The following UNC13D variants were observed in gnomAD, a reference collection of about 807,000 sequenced individuals.
UNC13D encodes protein unc-13 homolog D.
In UNC13D, 115 loss-of-function variants were observed where a neutral mutation model predicts 151.7. The ratio of observed to expected loss-of-function variants is 0.76; its 90% confidence interval spans 0.65 to 0.88. The LOEUF is 0.88. Among genes scored for constraint, UNC13D ranks in the 40% least tolerant of loss-of-function variants. The pLI, the probability that UNC13D is intolerant of heterozygous loss-of-function variation, is 0.00. For synonymous variants in UNC13D, 588 were observed against 612.2 expected (o/e 0.96, Z 0.58); for missense variants, 1,369 against 1,438.7 (o/e 0.95, Z 0.78).
Position 75,833,080 on chromosome 17 carries a change from G to T in UNC13D, c.2368-35C>A, listed in dbSNP as rs773119045. 5 of 1,565,926 alleles carry T rather than the reference G, an allele frequency of 3.2e-6. No individual in the cohort carries two copies. The Admixed American group carries it at 9.4e-5, about 29-fold the overall frequency. On this transcript the variant is annotated intron_variant, in intron 24 of 31. Coordinates refer to ENST00000207549, the MANE Select transcript of UNC13D (RefSeq NM_199242.3). This position sits in a 1 kb window ranked among gnomAD's most constrained non-coding sequence, Gnocchi z 4.0. ...GAGATGGGGAGCAGGTGTGGCTCCG[G>T]CCCATGTTGGCCCCACCCCCATCCC...
chr17:75,843,137 G>A, intron 3 of UNC13D, 22 bp downstream of exon 3: 3 of 1,609,674 alleles, frequency 1.9e-6, no homozygotes, highest in African/African-American at 2.7e-5. Flanking sequence ...AGGAAGGGGG[G>A]TGGGGTGGGA....
rs769865092 is a variant in UNC13D, at chr17:75,840,171, C to T, written c.858+54G>A. ...CACTGGGTGCAGCCAGCCCCGCAAC[C>T]CAGCAGACCGCCGCAAGAGCTGGGC... On this transcript the variant is annotated intron_variant, in intron 10 of 31. Transcript: ENST00000207549. The surrounding 1 kb of genome is among the most constrained non-coding windows in gnomAD (Gnocchi z 4.6). 2.4e-4 allele frequency: 387 copies of T among 1,612,278 alleles called. No individual in the cohort carries two copies. The highest frequency in any genetic ancestry group is 3.8e-4 in the Admixed American group (23 of 59,928).
chr17:75,830,498 G>A lies in UNC13D; in HGVS notation c.2710-16C>T. 1 of 1,591,134 alleles carries A rather than the reference G, an allele frequency of 6.3e-7. No homozygotes were observed. The highest frequency in any genetic ancestry group is 8.6e-7 in the Non-Finnish European group (1 of 1,169,104). The stretch of plus-strand genomic sequence containing the variant: ...TGGTTTCTGCCTGGGGTGGGGAGCA[G>A]GGGCAGGGTCAGCAGGGTCACAGCG... On this transcript the variant is annotated splice_polypyrimidine_tract_variant and intron_variant, in intron 28 of 31. Coordinates refer to ENST00000207549, the MANE Select transcript of UNC13D (RefSeq NM_199242.3).
At chr17:75,830,543 C>A in intron 28 of UNC13D, 35 bp downstream of exon 28, 1 of 1,573,146 alleles carries the variant, frequency 6.4e-7, no homozygotes, top group Non-Finnish European at 8.6e-7. Flanking sequence ...TGCTCCAGGG[C>A]CTGCAGAGGG....
At chr17:75,843,937 G>C (rs1356448103) in intron 1 of UNC13D, 1 of 1,387,244 alleles carries the variant, frequency 7.2e-7, no homozygotes, top group African/African-American at 1.5e-5. Context: ...AATGGAGTCG[G>C]CTCTTCTGAA....
chr17:75,837,850 T>C (rs1330377212), intron 12 of UNC13D, among the ~76,000 whole-genome samples: 2 of 151,604 alleles, frequency 1.3e-5, no homozygotes, highest in African/African-American at 2.4e-5. Context: ...TTTCAGATGG[T>C]TTGGGGGGAT....
intron 27 of UNC13D, among the ~76,000 whole-genome samples, 197 bp downstream of exon 27, chr17:75,830,901 T>C (rs2064867699): frequency 1.3e-5 from 2 of 152,104 alleles, no homozygotes; most frequent in South Asian, 4.2e-4. Context: ...ACAGGGCCCC[T>C]GTGCTTAGGA....
chr17:75,842,456 G>A lies in UNC13D; in HGVS notation c.546C>T (p.Pro182=), dbSNP rs377079629. The A allele has an allele frequency of 1.5e-5, 25 of 1,613,022 alleles. No homozygotes were observed. The highest frequency in any genetic ancestry group is 1.7e-4 in the Middle Eastern group (1 of 6,060). ...RTQVITQTLN[P]VWDETFILEF... ...ACAGGATGAAGGTCTCGTCCCAGAC[G>A]GGGTTGAGTGTCTGGGTGATGACCT... is the stretch of plus-strand genomic sequence containing the variant. Residue 182 remains proline (P), a synonymous_variant, in exon 6 of 32, where the codon CCC becomes CCT. Transcript: ENST00000207549.
At chr17:75,830,252 G>A (rs1030829119) in intron 29 of UNC13D, 101 bp from the exon 30 acceptor site, 49 of 1,554,556 alleles carry the variant, frequency 3.2e-5, no homozygotes, top group Non-Finnish European at 4.1e-5. Context: ...CCTGGTAACT[G>A]GAGGAAATGC....
chr17:75,837,180 C>T (rs1037914757), intron 12 of UNC13D, among the ~76,000 whole-genome samples: 1 of 151,876 alleles, frequency 6.6e-6, no homozygotes, highest in Non-Finnish European at 1.5e-5. Context: ...ATTCTCCAGC[C>T]TCAGCCTCCC....
Position 75,836,109 on chromosome 17 carries a change from C to A in UNC13D, c.1447G>T (p.Gly483Cys). The change falls in exon 17 of 32, where the codon GGC becomes TGC. Residue 483 changes from glycine to cysteine, a missense_variant and splice_region_variant. Coordinates refer to ENST00000207549, the MANE Select transcript of UNC13D (RefSeq NM_199242.3). ...KQQHHQPMVQ[G>C]IPEAGKALLG... Reference sequence around the variant, plus strand: ...AAGGCCTTGCCTGCCTCCGGGATGCCCTGCAGAGACAGAGGTGGGCTGGGC... The same window carrying A: ...AAGGCCTTGCCTGCCTCCGGGATGCACTGCAGAGACAGAGGTGGGCTGGGC... The A allele has an allele frequency of 6.2e-7, 1 of 1,613,238 alleles. No homozygotes were observed. Among genetic ancestry groups the A allele is most frequent in the Non-Finnish European group, 8.5e-7 (1 of 1,180,026 alleles).
At chr17:75,831,458 G>T in intron 25 of UNC13D, 110 bp from the exon 26 acceptor site, 1 of 992,236 alleles carries the variant, frequency 1.0e-6, no homozygotes, top group Non-Finnish European at 1.5e-6. Flanking sequence ...CCCCACCCCA[G>T]CTCCTCCCAC....
Position 75,828,057 on chromosome 17 carries a change from G to T in UNC13D, c.3181C>A (p.Arg1061=). Residue 1061 remains arginine (R), a synonymous_variant, in exon 32 of 32, where the codon CGG becomes AGG. Coordinates refer to ENST00000207549, the MANE Select transcript of UNC13D (RefSeq NM_199242.3). ...ACCTGGGCTTCTCGGTCACCCTTCC[G>T]GCCCTCCAGCAGCTGCAGGATTGGG... ...GDPILQLLEG[R]KGDREAQVFV... 1 of 1,575,020 alleles carries T rather than the reference G, an allele frequency of 6.3e-7. No homozygotes were observed. Among genetic ancestry groups the T allele is most frequent in the East Asian group, 2.3e-5 (1 of 42,670 alleles).
chr17:75,843,487 C>T lies in UNC13D; in HGVS notation c.150G>A (p.Glu50=). ...ACCCCAGCACTCTGACTCTTACCTG[C>T]TCGGGGGAGAAGTGGTGGGATGGAG... ...IQPPSHHFSP[E]QRALLYEDAL... is the part of the protein sequence containing the mutation. The change falls in exon 2 of 32, where the codon GAG becomes GAA. Residue 50 remains glutamate (E), a synonymous_variant. Coordinates refer to ENST00000207549, the MANE Select transcript of UNC13D (RefSeq NM_199242.3). 6.2e-7 allele frequency: 1 copy of T among 1,610,168 alleles called. No individual in the cohort carries two copies. The highest frequency in any genetic ancestry group is 8.5e-7 in the Non-Finnish European group (1 of 1,178,866).
Position 75,840,417 on chromosome 17 carries a change from G to A in UNC13D, c.754-88C>T. ...CGACAGGAGGTGGACCCCAGGCTCA[G>A]CTTTGTGAGGACACAGAGCCTCTCC... On this transcript the variant is annotated intron_variant, in intron 9 of 31. Coordinates refer to ENST00000207549, the MANE Select transcript of UNC13D (RefSeq NM_199242.3). The surrounding 1 kb of genome is among the most constrained non-coding windows in gnomAD (Gnocchi z 4.6). 6.2e-7 allele frequency: 1 copy of A among 1,608,590 alleles called. No individual in the cohort carries two copies. Among genetic ancestry groups the A allele is most frequent in the Non-Finnish European group, 8.5e-7 (1 of 1,175,656 alleles).
chr17:75,834,713 T>C lies in UNC13D; in HGVS notation c.1996A>G (p.Thr666Ala), dbSNP rs1381119897. 1 of 1,613,370 alleles carries C rather than the reference T, an allele frequency of 6.2e-7. No individual in the cohort carries two copies. The highest frequency in any genetic ancestry group is 1.3e-5 in the African/African-American group (1 of 74,952). The change falls in exon 22 of 32, where the codon ACC (threonine) becomes GCC (alanine). Residue 666 changes from threonine to alanine, a missense_variant. Coordinates refer to ENST00000207549, the MANE Select transcript of UNC13D (RefSeq NM_199242.3). The stretch of plus-strand genomic sequence containing the variant: ...CAGTACACCAGGGCCAGGCGACAGG[T>C]GTCCTAGGGTGGGGTTGGACAGAGG... ...FMITVKFVED[T>A]CRLALVYCSL...
chr17:75,834,100 A>G lies in UNC13D; in HGVS notation c.2342T>C (p.Val781Ala). 6.2e-7 allele frequency: 1 copy of G among 1,613,774 alleles called. No individual in the cohort carries two copies. The highest frequency in any genetic ancestry group is 8.5e-7 in the Non-Finnish European group (1 of 1,180,022). The change falls in exon 24 of 32, where the codon GTC becomes GCC. Residue 781 changes from valine (V) to alanine (A), a missense_variant. This residue lies in a region of UNC13D where 807 missense variants were observed against 795.5 expected (regional missense o/e 1.01). Transcript: ENST00000207549. ...IAKHIQKLVGVRESVLPEDAI... is the reference protein window; with the variant it reads ...IAKHIQKLVGARESVLPEDAI... ...ATCCTCAGGCAGGACAGACTCCCTG[A>G]CGCCCACCAGTTTCTGGATGTGCTT...
At position 75,835,994 on chromosome 17, in the gene UNC13D, A is replaced by C; in HGVS notation, c.1544+18T>G. On this transcript the variant is annotated intron_variant, in intron 17 of 31. Transcript: ENST00000207549. Reference sequence around the variant, plus strand: ...TGAGGCAATGCCCCACTACCTCCCGACCTGGCTATCTGCTCACTTGTGGAA... The same window carrying C: ...TGAGGCAATGCCCCACTACCTCCCGCCCTGGCTATCTGCTCACTTGTGGAA... 1 of 1,614,098 alleles carries C rather than the reference A, an allele frequency of 6.2e-7. No individual in the cohort carries two copies.
intron 30 of UNC13D, 150 bp from the exon 31 acceptor site, chr17:75,829,133 T>C (rs1002065078): frequency 6.0e-6 from 6 of 993,326 alleles, no homozygotes; most frequent in South Asian, 3.2e-5. Flanking sequence ...TGTGGTGCAA[T>C]GCCTGCTCTG....
Sources: allele counts gnomAD v4.1 joint callset (sites outside exome capture counted in the v4.1 genomes callset), GRCh38; gene constraint gnomAD v4.1.1; regional missense constraint gnomAD v4.1.1; non-coding constraint Gnocchi (gnomAD v3.1); transcripts MANE v1.5; gene names NCBI Gene and HGNC (gene_info 2026-07-23, HGNC 2026-07-21).